The following KIF26B variants were observed in gnomAD, a reference collection of about 807,000 sequenced individuals.
KIF26B encodes the protein kinesin family member 26B, also known as kinesin-like protein KIF26B.
KIF26B carries 63 observed loss-of-function variants against 151.2 expected under a neutral mutation model. That is an observed-to-expected ratio of 0.42 (90% CI 0.34 to 0.51). KIF26B has a LOEUF of 0.51. Ranked by LOEUF, KIF26B falls within the 20% of genes least tolerant of loss-of-function variation. The pLI, the probability that KIF26B is intolerant of heterozygous loss-of-function variation, is 0.07. For missense variants in KIF26B, 2,813 were observed against 2,913.6 expected (o/e 0.97, Z 0.79); for synonymous variants, 1,357 against 1,262.1 (o/e 1.08, Z -1.59).
chr1:245,692,807 T>C (rs2044643806), intron 12 of KIF26B, among the ~76,000 whole-genome samples: 1 of 152,170 alleles, frequency 6.6e-6, no homozygotes, highest in South Asian at 2.1e-4. Context: ...GTTGCTTTTA[T>C]TGATGGATTT....
At chr1:245,643,532 T>G (rs1184073895) in intron 9 of KIF26B, among the ~76,000 whole-genome samples, 1 of 152,178 alleles carries the variant, frequency 6.6e-6, no homozygotes, top group Non-Finnish European at 1.5e-5. Context: ...CTATCAAACA[T>G]TTTAATTTTA....
intron 4 of KIF26B, among the ~76,000 whole-genome samples, chr1:245,420,650 A>C (rs528960248): frequency 2.0e-5 from 3 of 152,372 alleles, no homozygotes; most frequent in African/African-American, 7.2e-5. Flanking sequence ...TTTGGGTTCC[A>C]GTTGCAGCAG....
chr1:245,173,959 A>G (rs978010643), intron 2 of KIF26B, among the ~76,000 whole-genome samples: 4 of 152,200 alleles, frequency 2.6e-5, no homozygotes, highest in Non-Finnish European at 1.5e-5. Flanking sequence ...GAAAAGTTTT[A>G]CACGGGCAGG....
rs375677179 is a variant in KIF26B at position 245,552,716 on chromosome 1, G to A, written c.1350+11766G>A. On this transcript the variant is annotated intron_variant, in intron 5 of 14. Coordinates refer to ENST00000407071, the MANE Select transcript of KIF26B (RefSeq NM_018012.4). ...CAACCTCTGCCTGCTGGGTTCAAGC[G>A]ATTCTCCTGCGTAGCTGGGATTACA... 2.5e-4 allele frequency among the ~76,000 whole-genome samples: 38 copies of A among 151,486 alleles called. No homozygotes were observed. In the South Asian group the frequency reaches 5.8e-3, roughly 23 times the overall value.
At chr1:245,640,347 G>T (rs2043879919) in intron 9 of KIF26B, among the ~76,000 whole-genome samples, 1 of 151,030 alleles carries the variant, frequency 6.6e-6, no homozygotes, top group African/African-American at 2.4e-5. Context: ...GAATGCTTTT[G>T]GTTTCCATTT....
intron 2 of KIF26B, among the ~76,000 whole-genome samples, chr1:245,328,071 G>A (rs1672029129): frequency 2.0e-5 from 3 of 152,108 alleles, no homozygotes; most frequent in Non-Finnish European, 4.4e-5. Flanking sequence ...GGCCTGTCAG[G>A]AGAGTGACAG....
At chr1:245,323,178 G>A (rs190163622) in intron 2 of KIF26B, among the ~76,000 whole-genome samples, 2 of 152,336 alleles carry the variant, frequency 1.3e-5, no homozygotes, top group Admixed American at 1.3e-4. Context: ...ATGTATGGAT[G>A]TGTATACACG....
At chr1:245,510,579 TCTCTC>T (rs1660811019) in intron 4 of KIF26B, among the ~76,000 whole-genome samples, 1 of 5,442 alleles carries the variant, frequency 1.8e-4, no homozygotes, top group African/African-American at 1.9e-4. Context: ...GCAGAGCTTC[TCTCTC>T]TCTCTCTCTC....
At chr1:245,595,331 C>T (rs780929173) in intron 5 of KIF26B, among the ~76,000 whole-genome samples, 26 of 152,044 alleles carry the variant, frequency 1.7e-4, no homozygotes, top group East Asian at 3.8e-4. Flanking sequence ...TTTTGAGAAA[C>T]GTTTCATCGA....
intron 2 of KIF26B, among the ~76,000 whole-genome samples, chr1:245,311,543 A>G (rs951895684): frequency 1.3e-5 from 2 of 151,932 alleles, no homozygotes; most frequent in Admixed American, 6.6e-5. Context: ...TCGAGGCTGC[A>G]GTGAGCAGAG....
intron 10 of KIF26B, among the ~76,000 whole-genome samples, chr1:245,673,257 G>A (rs530782854): frequency 2.8e-5 from 4 of 144,172 alleles, no homozygotes; most frequent in African/African-American, 1.1e-4. Flanking sequence ...TCCCCGCTGG[G>A]CGCTGCCATC....
chr1:245,450,997 G>A (rs921671748), intron 4 of KIF26B, among the ~76,000 whole-genome samples: 1 of 151,806 alleles, frequency 6.6e-6, no homozygotes, highest in African/African-American at 2.4e-5. Context: ...TGAATTCCTC[G>A]TGCCCACGGC....
At chr1:245,195,168 T>C (rs1444814116) in intron 2 of KIF26B, among the ~76,000 whole-genome samples, 1 of 152,202 alleles carries the variant, frequency 6.6e-6, no homozygotes, top group Non-Finnish European at 1.5e-5. Flanking sequence ...TGAATATCCC[T>C]AGTAGGTTTC....
rs187660401 is a variant in KIF26B at position 245,453,385 on chromosome 1, C to A, written c.1166+33640C>A. Among the ~76,000 whole-genome samples, 30 of 152,072 alleles carry A rather than the reference C, an allele frequency of 2.0e-4. No individual in the cohort carries two copies. In the East Asian group the frequency reaches 5.8e-3, roughly 29 times the overall value. On this transcript the variant is annotated intron_variant, in intron 4 of 14. Coordinates refer to ENST00000407071, the MANE Select transcript of KIF26B (RefSeq NM_018012.4). ...ACATTTTATTCATCACAATTTTTTG[C>A]ATTTATTTTTATTTTTTAAAGTATT... is the stretch of plus-strand genomic sequence containing the variant.
In KIF26B at chr1:245,479,746, G is replaced by A. The variant is rs184261545; in HGVS notation, c.1166+60001G>A. Among the ~76,000 whole-genome samples, 211 of 151,964 alleles carry A rather than the reference G, an allele frequency of 1.4e-3. 2 individuals are homozygous for A. Among genetic ancestry groups the A allele is most frequent in the African/African-American group, 4.7e-3 (195 of 41,516 alleles). On this transcript the variant is annotated intron_variant, in intron 4 of 14. Transcript: ENST00000407071. ...AATCTAAAGAAAGAAATAACAACAA[G>A]AGACAGATGGGATGCTGACTGGTCC...
intron 4 of KIF26B, among the ~76,000 whole-genome samples, chr1:245,494,606 A>C (rs1660475260): frequency 6.6e-6 from 1 of 152,176 alleles, no homozygotes; most frequent in South Asian, 2.1e-4. Flanking sequence ...ATAAGCCTAA[A>C]AGAAAAAAAA....
At chr1:245,519,375 G>A (rs1476728883) in intron 4 of KIF26B, among the ~76,000 whole-genome samples, 1 of 152,004 alleles carries the variant, frequency 6.6e-6, no homozygotes, top group Non-Finnish European at 1.5e-5. Flanking sequence ...CCAACATGGT[G>A]AAACCCCATC....
chr1:245,428,070 C>G (rs2103040152), intron 4 of KIF26B, among the ~76,000 whole-genome samples: 1 of 152,304 alleles, frequency 6.6e-6, no homozygotes. Flanking sequence ...TCCTGGCCGG[C>G]CCTGCCTCCT....
intron 3 of KIF26B, among the ~76,000 whole-genome samples, chr1:245,400,365 C>G (rs1282412172): frequency 6.6e-6 from 1 of 152,028 alleles, no homozygotes; most frequent in Non-Finnish European, 1.5e-5. Context: ...CAGACAAGAA[C>G]AAATTGGACT....
Sources: gnomAD v4.1 joint callset for allele counts (sites outside exome capture counted in the v4.1 genomes callset) on GRCh38, gnomAD v4.1.1 for gene constraint, MANE v1.5 for transcripts, NCBI Gene and HGNC (gene_info 2026-07-23, HGNC 2026-07-21) for gene names.